The following POLI variants were observed in gnomAD, a reference collection of about 807,000 sequenced individuals.
The protein encoded by POLI is RAD30 homolog B.
A neutral mutation model predicts 51.6 loss-of-function variants in POLI; 58 were observed. The ratio of observed to expected loss-of-function variants is 1.12; its 90% confidence interval spans 0.91 to 1.40. The LOEUF is 1.40. Among genes scored for constraint, POLI ranks in the 40% most tolerant of loss-of-function variants. The pLI is 0.00. For synonymous variants in POLI, 322 were observed against 299.7 expected (o/e 1.07, Z -0.77); for missense variants, 921 against 871.3 (o/e 1.06, Z -0.72).
At chr18:54,287,257 T>A in intron 7 of POLI, 24 bp from the exon 8 acceptor site, 1 of 1,499,762 alleles carries the variant, frequency 6.7e-7, no homozygotes, top group Non-Finnish European at 9.1e-7. Context: ...TAATTCCTTA[T>A]TTCCACTTTC....
At chr18:54,289,614 T>A (rs112965579) in intron 8 of POLI, among the ~76,000 whole-genome samples, 10 of 144,936 alleles carry the variant, frequency 6.9e-5, no homozygotes. Flanking sequence ...AGCATGGTAC[T>A]GGCAGAAAAA....
intron 2 of POLI, among the ~76,000 whole-genome samples, chr18:54,272,784 C>T (rs992549564): frequency 6.6e-6 from 1 of 151,624 alleles, no homozygotes; most frequent in African/African-American, 2.4e-5. Context: ...TAGTGACATG[C>T]AGTGATGAGG....
In POLI at chr18:54,269,526, G is replaced by C. The variant is rs201453585; in HGVS notation, c.-21G>C. 399 of 1,506,932 alleles carry C rather than the reference G, an allele frequency of 2.6e-4. 2 individuals carry two copies. The Middle Eastern group carries it at 0.015, about 55-fold the overall frequency. 93.3% of individuals were successfully genotyped at this position (1,506,932 alleles called of 1,614,324 possible). ...CCAGGCGGAAGCGGCCGGAAGTAGC[G>C]CTGCGGTTGGCAGCGGCGGGATGGA... On this transcript the variant is annotated 5_prime_UTR_variant, in exon 1 of 10. Transcript: ENST00000579534.
chr18:54,314,884 C>T (rs2088712672), intron 3 of POLI, among the ~76,000 whole-genome samples: 2 of 152,098 alleles, frequency 1.3e-5, no homozygotes, highest in African/African-American at 2.4e-5. Context: ...AGTGGTCTAT[C>T]AATCTTGTTT....
chr18:54,282,958 C>T lies in POLI; in HGVS notation c.918C>T (p.Ile306=), dbSNP rs548004543. Residue 306 remains isoleucine (I), a synonymous_variant, in exon 6 of 10, where the codon ATC becomes ATT. Coordinates refer to ENST00000579534, the MANE Select transcript of POLI (RefSeq NM_007195.3). ...TAGGAATTTCAGTTGCTCAGCGTAT[C>T]CAAAAGCTCAGTTTTGGAGAGGATA... ...KELGISVAQR[I]QKLSFGEDNS... 6.2e-7 allele frequency: 1 copy of T among 1,610,886 alleles called. No individual in the cohort carries two copies. Among genetic ancestry groups the T allele is most frequent in the Non-Finnish European group, 8.5e-7 (1 of 1,178,388 alleles).
intron 7 of POLI, 58 bp downstream of exon 7, chr18:54,284,071 T>C (rs1413921267): frequency 1.7e-6 from 1 of 583,208 alleles, no homozygotes; most frequent in Non-Finnish European, 3.1e-6. Context: ...ATACGGTATG[T>C]GGAAAGAATA....
At chr18:54,312,425 A>G (rs1174546603) in intron 3 of POLI, among the ~76,000 whole-genome samples, 2 of 152,112 alleles carry the variant, frequency 1.3e-5, no homozygotes, top group Non-Finnish European at 1.5e-5. Context: ...CAGTGAACAT[A>G]TGGGTGCATG....
intron 4 of POLI, among the ~76,000 whole-genome samples, chr18:54,279,227 C>T (rs912014388): frequency 6.7e-6 from 1 of 149,848 alleles, no homozygotes; most frequent in Admixed American, 6.6e-5. Flanking sequence ...CAAAAAATAC[C>T]CATTATGTCT....
intron 2 of POLI, 114 bp downstream of exon 2, chr18:54,271,599 T>C (rs1279183929): frequency 4.5e-5 from 32 of 713,532 alleles, no homozygotes; most frequent in South Asian, 3.1e-4. Flanking sequence ...AAGCAGTTCT[T>C]ACAGTGCTTT....
At position 54,297,664 on chromosome 18, in the gene POLI, T is replaced by G; in HGVS notation, c.*3197T>G. The G allele has an allele frequency of 5.1e-6, 5 of 976,750 alleles. No individual in the cohort carries two copies. The highest frequency in any genetic ancestry group is 6.1e-6 in the Non-Finnish European group (5 of 821,970). 60.5% of individuals were successfully genotyped at this position (976,750 alleles called of 1,614,324 possible). ...TTTCTATTTAATCATATATTTTCCCTTTACTGATTTGGAATGTGAATGTTA... is the reference window on the plus strand; with the variant it reads ...TTTCTATTTAATCATATATTTTCCCGTTACTGATTTGGAATGTGAATGTTA... On this transcript the variant is annotated 3_prime_UTR_variant, in exon 10 of 10. Coordinates refer to ENST00000579534, the MANE Select transcript of POLI (RefSeq NM_007195.3).
downstream of POLI, among the ~76,000 whole-genome samples, chr18:54,300,370 A>G (rs1004783906): frequency 6.6e-6 from 1 of 152,202 alleles, no homozygotes; most frequent in African/African-American, 2.4e-5. Flanking sequence ...TAAACTAAAC[A>G]TGAAGTGGTG....
At chr18:54,312,674 T>C (rs1009329001) in intron 3 of POLI, among the ~76,000 whole-genome samples, 4 of 152,224 alleles carry the variant, frequency 2.6e-5, no homozygotes, top group Non-Finnish European at 2.9e-5. Context: ...TGGTATTTCA[T>C]TGTGATTTTG....
At chr18:54,300,157 T>C (rs1053779529), downstream of POLI, among the ~76,000 whole-genome samples, 1 of 152,026 alleles carries the variant, frequency 6.6e-6, no homozygotes, top group African/African-American at 2.4e-5. Flanking sequence ...GCACCAGAAA[T>C]ATGAGTATAT....
chr18:54,276,104 C>T lies in POLI; in HGVS notation c.407-1599C>T, dbSNP rs3730712. Among the ~76,000 whole-genome samples the T allele has an allele frequency of 2.9e-3, 439 of 151,828 alleles. 4 individuals are homozygous for T. Among genetic ancestry groups the T allele is most frequent in the African/African-American group, 9.9e-3 (410 of 41,340 alleles). ...GTTAACTTCAGGAATGGAGGCTGGGCATGGTGGCTTATGCCTGTAATCCCA... is the reference window on the plus strand; with the variant it reads ...GTTAACTTCAGGAATGGAGGCTGGGTATGGTGGCTTATGCCTGTAATCCCA... On this transcript the variant is annotated intron_variant, in intron 3 of 9. Transcript: ENST00000579534.
At position 54,294,889 on chromosome 18, in the gene POLI, T is replaced by C. The variant is rs1318613359; in HGVS notation, c.*422T>C. 2.0e-6 allele frequency: 2 copies of C among 983,386 alleles called. No individual in the cohort carries two copies. The highest frequency in any genetic ancestry group is 2.4e-6 in the Non-Finnish European group (2 of 828,188). 60.9% of individuals were successfully genotyped at this position (983,386 alleles called of 1,614,324 possible). A position where few individuals can be genotyped will look rare whatever the true frequency, so the allele number is the denominator to read the frequency against. On this transcript the variant is annotated 3_prime_UTR_variant, in exon 10 of 10. Transcript: ENST00000579534. ...TCTTAGGCTGAATAGCAAATCCTACTGCCAACTAACCTATTAAAAATATAG... is the reference window on the plus strand; with the variant it reads ...TCTTAGGCTGAATAGCAAATCCTACCGCCAACTAACCTATTAAAAATATAG...
chr18:54,276,443 G>A (rs1227195080), intron 3 of POLI, among the ~76,000 whole-genome samples: 1 of 152,164 alleles, frequency 6.6e-6, no homozygotes, highest in Non-Finnish European at 1.5e-5. Context: ...AATATTTAGT[G>A]ATCCACCAGC....
chr18:54,299,099 G>A (rs1378592175), downstream of POLI, among the ~76,000 whole-genome samples: 4 of 152,124 alleles, frequency 2.6e-5, no homozygotes, highest in East Asian at 1.9e-4. Context: ...AGCAACTCAC[G>A]TTGGCCTACA....
At chr18:54,284,367 C>G (rs750466746) in intron 7 of POLI, among the ~76,000 whole-genome samples, 2 of 152,178 alleles carry the variant, frequency 1.3e-5, no homozygotes, top group Non-Finnish European at 2.9e-5. Context: ...GTGGCAATTG[C>G]AAAGCCTCTG....
rs1417712026 is a variant in POLI, at chr18:54,282,925, A to G, written c.885A>G (p.Glu295=). 1 of 1,603,526 alleles carries G rather than the reference A, an allele frequency of 6.2e-7. No homozygotes were observed. Among genetic ancestry groups the G allele is most frequent in the African/African-American group, 1.3e-5 (1 of 74,822 alleles). ...DLQTFSPKIL[E]KELGISVAQR... is the part of the protein sequence containing the mutation. ...AAACCTTTTCACCCAAAATTTTAGA[A>G]AAAGAATTAGGAATTTCAGTTGCTC... Residue 295 remains glutamate, a synonymous_variant, in exon 6 of 10, where the codon GAA becomes GAG. Transcript: ENST00000579534.
Sources: gnomAD v4.1 joint callset for allele counts (sites outside exome capture counted in the v4.1 genomes callset) on GRCh38, gnomAD v4.1.1 for gene constraint, MANE v1.5 for transcripts, NCBI Gene and HGNC (gene_info 2026-07-23, HGNC 2026-07-21) for gene names.